The following NUMA1 variants were observed in gnomAD, a reference collection of about 807,000 sequenced individuals.
NUMA1 encodes the protein SP-H antigen.
In NUMA1, 62 loss-of-function variants were observed where a neutral mutation model predicts 237.1. The ratio of observed to expected loss-of-function variants is 0.26; its 90% CI spans 0.21 to 0.32. The LOEUF is 0.32. NUMA1 is among the 10% of genes least tolerant of loss of function. The pLI is 1.00. For synonymous variants in NUMA1, 1,028 were observed against 1,066.1 expected (o/e 0.96, Z 0.70); for missense variants, 2,533 against 2,666.5 (o/e 0.95, Z 1.10).
At position 72,022,232 on chromosome 11, in the gene NUMA1, A is replaced by G. The variant is rs146205259; in HGVS notation, c.372+107T>C. On this transcript the variant is annotated intron_variant, in intron 7 of 26. Transcript: ENST00000393695. ...TATGATGAATGGCAATAATTGCTAT[A>G]ACTGTATTTTTAAAAAGTCCAGTAT... 3.0e-4 allele frequency: 190 copies of G among 640,152 alleles called. No individual in the cohort carries two copies. In the East Asian group the frequency reaches 4.3e-3, roughly 15 times the overall value. 39.7% of individuals were successfully genotyped at this position (640,152 alleles called of 1,614,324 possible).
intron 2 of NUMA1, among the ~76,000 whole-genome samples, chr11:72,060,665 C>CA (rs1290932875): frequency 5.9e-5 from 9 of 151,326 alleles, no homozygotes; most frequent in South Asian, 2.1e-4. Context: ...CGCACACACA[C>CA]AAAAAAAACA....
At chr11:72,010,696 T>C in intron 17 of NUMA1, 90 bp downstream of exon 17, 1 of 1,326,344 alleles carries the variant, frequency 7.5e-7, no homozygotes, top group South Asian at 1.3e-5. Context: ...GTGCCCCTCT[T>C]CTGCCCCGAC....
intron 3 of NUMA1, among the ~76,000 whole-genome samples, chr11:72,030,396 T>C (rs1358249058): frequency 6.6e-6 from 1 of 151,238 alleles, no homozygotes; most frequent in Non-Finnish European, 1.5e-5. Context: ...GATGAAAGAA[T>C]AGGAGCTGGG....
At chr11:72,058,934 C>T (rs1942807021) in intron 2 of NUMA1, among the ~76,000 whole-genome samples, 1 of 152,184 alleles carries the variant, frequency 6.6e-6, no homozygotes, top group African/African-American at 2.4e-5. Context: ...GGCCCAGGAG[C>T]TCTCCAAACA....
chr11:72,008,932 T>C (rs958648418), intron 19 of NUMA1, 35 bp downstream of exon 19: 4 of 1,612,654 alleles, frequency 2.5e-6, no homozygotes, highest in African/African-American at 1.3e-5. Context: ...TCCAGTGGAA[T>C]AGGAGTGAGG....
chr11:72,034,706 C>CA lies in NUMA1; in HGVS notation c.42+1195dup, dbSNP rs1344839392. ...CTGGCGACAGAGCAAGACTCCATCT[C>CA]AAAAAAAAAAAGATACTGAAGATAC... On this transcript the variant is annotated intron_variant, in intron 3 of 26. Coordinates refer to ENST00000393695, the MANE Select transcript of NUMA1 (RefSeq NM_006185.4). Among the ~76,000 whole-genome samples the CA allele has an allele frequency of 4.3e-4, 63 of 144,838 alleles. 1 individual carries two copies. The South Asian group carries it at 6.6e-3, about 15-fold the overall frequency.
chr11:72,028,450 TA>T (rs11300189), intron 4 of NUMA1, among the ~76,000 whole-genome samples: 26,968 of 75,310 alleles, frequency 0.36, 4,191 homozygotes, highest in African/African-American at 0.42. Context: ...TGCTTTTTCT[TA>T]AAAAAAAAAA....
intron 3 of NUMA1, among the ~76,000 whole-genome samples, chr11:72,035,371 A>G (rs1381340823): frequency 6.6e-6 from 1 of 151,602 alleles, no homozygotes; most frequent in Non-Finnish European, 1.5e-5. Context: ...GTCCCTGCAT[A>G]TGTTGATCAT....
At chr11:72,067,407 C>T (rs1943249164) in intron 2 of NUMA1, 1 of 152,210 alleles carries the variant, frequency 6.6e-6, no homozygotes, top group Non-Finnish European at 1.5e-5. Flanking sequence ...CTCTGAATCA[C>T]AATATCCACA....
chr11:72,014,097 A>C lies in NUMA1; in HGVS notation c.3406T>G (p.Cys1136Gly). 6.2e-7 allele frequency: 1 copy of C among 1,611,214 alleles called. No homozygotes were observed. The highest frequency in any genetic ancestry group is 8.5e-7 in the Non-Finnish European group (1 of 1,179,998). The change falls in exon 15 of 27, where the codon TGC becomes GGC. Residue 1136 changes from cysteine to glycine, a missense_variant. By Grantham distance (159) the Cys-to-Gly change is radical. This residue lies in a region of NUMA1 where 1,414 missense variants were observed against 1,508.1 expected (regional missense o/e 0.94). Transcript: ENST00000393695. This position sits in a 1 kb window ranked among gnomAD's most constrained non-coding sequence, Gnocchi z 4.6. ...RAEVSKLEQQ[C>G]QKQQEQADSL... ...TCAGCCTGCTCCTGCTGCTTCTGGC[A>C]TTGCTGTTCCAGCTTGCTCACCTCT...
At chr11:72,032,242 C>T (rs754425188) in intron 3 of NUMA1, among the ~76,000 whole-genome samples, 2 of 151,982 alleles carry the variant, frequency 1.3e-5, no homozygotes, top group African/African-American at 2.4e-5. Context: ...GACTTATTGA[C>T]GTCTTAAAGA....
At chr11:72,037,012 T>C (rs1413370695) in intron 2 of NUMA1, among the ~76,000 whole-genome samples, 1 of 152,096 alleles carries the variant, frequency 6.6e-6, no homozygotes, top group Non-Finnish European at 1.5e-5. Context: ...ATCTCCAGAG[T>C]GTGGGCTCTG....
chr11:72,050,637 G>C (rs576519031), intron 2 of NUMA1: 1 of 152,130 alleles, frequency 6.6e-6, no homozygotes, highest in Non-Finnish European at 1.5e-5. Flanking sequence ...AATTAGGAAC[G>C]TAAGGCTCAG....
intron 2 of NUMA1, chr11:72,050,885 CTT>C (rs11414539): frequency 1.4e-4 from 17 of 121,712 alleles, no homozygotes; most frequent in South Asian, 5.2e-4. Flanking sequence ...CTATACCCAC[CTT>C]TTTTTTTTTT....
chr11:72,022,580 CTTTTTT>C (rs10716998), intron 6 of NUMA1, among the ~76,000 whole-genome samples, 161 bp from the exon 7 acceptor site: 1 of 139,210 alleles, frequency 7.2e-6, no homozygotes, highest in African/African-American at 2.7e-5. Context: ...CCAGGAAACA[CTTTTTT>C]TTTTTTTTTT....
chr11:72,032,208 T>A (rs576401580), intron 3 of NUMA1, among the ~76,000 whole-genome samples: 2 of 152,180 alleles, frequency 1.3e-5, no homozygotes, highest in South Asian at 4.2e-4. Context: ...AGATTAAAAT[T>A]TTTTTTAACG....
chr11:72,003,968 G>A lies in NUMA1; in HGVS notation c.6255C>T (p.Arg2085=). The change falls in exon 26 of 27, where the codon CGC becomes CGT. Residue 2085 remains arginine, a synonymous_variant. Transcript: ENST00000393695. The part of the protein sequence containing the change: ...KASPNTRSGT[R]RSPRIATTTA... ...TGGTGGTGGCAATGCGCGGAGAACG[G>A]CGGGTTCCACTGCGAGTGTTGGGGG... 6.2e-7 allele frequency: 1 copy of A among 1,613,372 alleles called. No homozygotes were observed. The highest frequency in any genetic ancestry group is 1.1e-5 in the South Asian group (1 of 91,042).
rs1159822205 is a variant in NUMA1, at chr11:72,018,982, TGAG to T, written c.585-5_585-3del. The T allele has an allele frequency of 3.1e-6, 5 of 1,613,636 alleles. No individual in the cohort carries two copies. Among genetic ancestry groups the T allele is most frequent in the Non-Finnish European group, 4.2e-6 (5 of 1,179,936 alleles). ...GAAGCTGGAGAACCTGAGAGAAAGCTGAGGAGGGAGAAGGCCCATATGCATTGG... is the reference window on the plus strand; with the variant it reads ...GAAGCTGGAGAACCTGAGAGAAAGCTGAGGGAGAAGGCCCATATGCATTGG... On this transcript the variant is annotated splice_region_variant and splice_polypyrimidine_tract_variant and intron_variant, in intron 9 of 26. Coordinates refer to ENST00000393695, the MANE Select transcript of NUMA1 (RefSeq NM_006185.4).
At chr11:72,028,446 T>C (rs528674613) in intron 4 of NUMA1, among the ~76,000 whole-genome samples, 2 of 135,770 alleles carry the variant, frequency 1.5e-5, no homozygotes, top group African/African-American at 5.9e-5. Flanking sequence ...AATGTGCTTT[T>C]TCTTAAAAAA....
Sources: gnomAD v4.1 joint callset for allele counts (sites outside exome capture counted in the v4.1 genomes callset) on GRCh38, gnomAD v4.1.1 for gene constraint, gnomAD v4.1.1 regional missense constraint, Gnocchi (gnomAD v3.1) non-coding constraint, MANE v1.5 for transcripts, NCBI Gene and HGNC (gene_info 2026-07-23, HGNC 2026-07-21) for gene names.